BCAS3: variants seen among roughly 807,000 people sequenced by gnomAD.
BCAS3 encodes BCAS4/BCAS3 fusion.
Under a neutral mutation model 116.1 loss-of-function variants are expected in BCAS3, and 53 were observed. That is an observed-to-expected ratio of 0.46 (90% confidence interval 0.37 to 0.57). The LOEUF (loss-of-function observed/expected upper bound fraction) is 0.57, where lower values mean the gene tolerates loss of function less well. Ranked by LOEUF, BCAS3 falls within the 20% of genes least tolerant of loss-of-function variation. BCAS3 has a pLI of 0.00. For missense variants in BCAS3, 917 were observed against 1,165.4 expected (o/e 0.79, Z 3.10); for synonymous variants, 391 against 408.2 (o/e 0.96, Z 0.51).
chr17:61,115,952 G>A (rs1601365718), intron 22 of BCAS3, among the ~76,000 whole-genome samples: 1 of 151,562 alleles, frequency 6.6e-6, no homozygotes, highest in East Asian at 1.9e-4. Context: ...GGACATGGAT[G>A]AAATTGGAAA....
At chr17:61,125,483 A>G (rs930840986) in intron 22 of BCAS3, among the ~76,000 whole-genome samples, 1 of 152,188 alleles carries the variant, frequency 6.6e-6, no homozygotes, top group Non-Finnish European at 1.5e-5. Context: ...AAGTTCCTAG[A>G]AATAAGCTAT....
chr17:61,373,648 A>T (rs139151995), intron 23 of BCAS3, among the ~76,000 whole-genome samples: 10 of 137,238 alleles, frequency 7.3e-5, no homozygotes, highest in Non-Finnish European at 1.4e-4. Flanking sequence ...AGGTTTCACC[A>T]TGTTGGCCAG....
chr17:61,350,787 C>CA lies in BCAS3; in HGVS notation c.2426-17539dup. Among the ~76,000 whole-genome samples the CA allele has an allele frequency of 2.6e-5, 4 of 152,200 alleles. 1 individual carries two copies. The highest frequency in any genetic ancestry group is 2.6e-4 in the Admixed American group (4 of 15,298). ...AGCTGGGACTACAAGCATGTGCCAC[C>CA]ACACCTGGCTACTTTTTTCTATTTT... On this transcript the variant is annotated intron_variant, in intron 22 of 23. Coordinates refer to ENST00000407086, the MANE Select transcript of BCAS3 (RefSeq NM_017679.5).
intron 14 of BCAS3, among the ~76,000 whole-genome samples, chr17:60,949,165 G>A (rs762984675): frequency 1.8e-4 from 27 of 152,238 alleles, no homozygotes; most frequent in Non-Finnish European, 3.5e-4. Context: ...GTGAGCCACC[G>A]CGCCCAGCCT....
rs1159846195 is a variant in BCAS3, at chr17:61,378,727, G to A, written c.2593+10233G>A. On this transcript the variant is annotated intron_variant, in intron 23 of 23. Transcript: ENST00000407086. This position sits in a 1 kb window ranked among gnomAD's most constrained non-coding sequence, Gnocchi z 5.8. ...TGTGGCCCCTGAGAGGTAAATGAAA[G>A]CCAGTCAAAGCAATGGGAATAGTTA... 6.6e-6 allele frequency: 1 copy of A among 152,206 alleles called. No homozygotes were observed. Among genetic ancestry groups the A allele is most frequent in the Non-Finnish European group, 1.5e-5 (1 of 68,050 alleles). The allele number at this position is 152,206 out of a possible 1,614,324, so 9.4% of individuals were successfully genotyped here. A position where few individuals can be genotyped will look rare whatever the true frequency, so the allele number is the denominator to read the frequency against.
intron 22 of BCAS3, among the ~76,000 whole-genome samples, chr17:61,342,577 C>T (rs1253548830): frequency 2.0e-5 from 3 of 152,216 alleles, no homozygotes; most frequent in Non-Finnish European, 4.4e-5. Context: ...GATGCTTACA[C>T]AGGTAGAGAG....
rs759458054 is a variant in BCAS3 at position 61,388,663 on chromosome 17, G to A, written c.2594-3314G>A. 66 of 1,547,468 alleles carry A rather than the reference G, an allele frequency of 4.3e-5. No individual in the cohort carries two copies. The Middle Eastern group carries it at 5.0e-4, about 12-fold the overall frequency. On this transcript the variant is annotated intron_variant, in intron 23 of 23. Transcript: ENST00000407086. The surrounding 1 kb of genome is among the most constrained non-coding windows in gnomAD (Gnocchi z 6.5). ...AAACAATGCCAACAGCCCAGCGTCC[G>A]TGAGCAACCCAACAGTAACAAAGCA...
At chr17:61,030,217 G>A (rs2066532377) in intron 16 of BCAS3, among the ~76,000 whole-genome samples, 2 of 152,006 alleles carry the variant, frequency 1.3e-5, no homozygotes, top group African/African-American at 4.8e-5. Context: ...AAGAAACGGT[G>A]CTTCTGTCTC....
At chr17:61,059,400 G>T (rs2069751055) in intron 19 of BCAS3, among the ~76,000 whole-genome samples, 1 of 151,814 alleles carries the variant, frequency 6.6e-6, no homozygotes, top group Non-Finnish European at 1.5e-5. Context: ...TCTTTAAAAT[G>T]GGTATTAATA....
intron 5 of BCAS3, among the ~76,000 whole-genome samples, chr17:60,722,990 A>C (rs147770512): frequency 6.6e-6 from 1 of 151,262 alleles, no homozygotes; most frequent in Non-Finnish European, 1.5e-5. Flanking sequence ...GTGGTGAGCT[A>C]TGATCACGTT....
rs1262474376 is a variant in BCAS3 at position 61,115,092 on chromosome 17, A to G, written c.2425+30528A>G. 4.0e-5 allele frequency among the ~76,000 whole-genome samples: 6 copies of G among 150,364 alleles called. No homozygotes were observed. The South Asian group carries it at 6.4e-4, about 16-fold the overall frequency. ...TACACCTTATACAAAAATCAATTCA[A>G]GATGGATTAAAGACTTAAACGTTAG... On this transcript the variant is annotated intron_variant, in intron 22 of 23. Coordinates refer to ENST00000407086, the MANE Select transcript of BCAS3 (RefSeq NM_017679.5).
At chr17:60,802,538 G>A (rs371307722) in intron 6 of BCAS3, among the ~76,000 whole-genome samples, 8 of 151,924 alleles carry the variant, frequency 5.3e-5, no homozygotes, top group African/African-American at 1.9e-4. Context: ...TGTTCTTCCT[G>A]TGTAGTATTA....
Position 61,356,190 on chromosome 17 carries a change from C to T in BCAS3, c.2426-12137C>T, listed in dbSNP as rs2058128496. 6.6e-6 allele frequency among the ~76,000 whole-genome samples: 1 copy of T among 152,106 alleles called. No individual in the cohort carries two copies. The highest frequency in any genetic ancestry group is 1.5e-5 in the Non-Finnish European group (1 of 68,004). Reference sequence around the variant, plus strand: ...TTGTATTTTTGTAGAGACGGGGTTTCACCGTGTTGGCCAGGCTGGTCTCGA... The same window carrying T: ...TTGTATTTTTGTAGAGACGGGGTTTTACCGTGTTGGCCAGGCTGGTCTCGA... On this transcript the variant is annotated intron_variant, in intron 22 of 23. Coordinates refer to ENST00000407086, the MANE Select transcript of BCAS3 (RefSeq NM_017679.5). This position sits in a 1 kb window ranked among gnomAD's most constrained non-coding sequence, Gnocchi z 5.4.
chr17:61,241,135 A>G lies in BCAS3; in HGVS notation c.2426-127192A>G, dbSNP rs958915421. Among the ~76,000 whole-genome samples the G allele has an allele frequency of 3.3e-5, 5 of 152,200 alleles. No individual in the cohort carries two copies. Among genetic ancestry groups the G allele is most frequent in the Non-Finnish European group, 7.3e-5 (5 of 68,044 alleles). On this transcript the variant is annotated intron_variant, in intron 22 of 23. Coordinates refer to ENST00000407086, the MANE Select transcript of BCAS3 (RefSeq NM_017679.5). The surrounding 1 kb of genome is among the most constrained non-coding windows in gnomAD (Gnocchi z 4.6). ...TAAGCTTTCTTTGGGGGACCCTCAT[A>G]TAGTGGGCACACTGAATATGTGGAT...
intron 21 of BCAS3, among the ~76,000 whole-genome samples, chr17:61,079,958 C>G (rs914964672): frequency 5.9e-5 from 8 of 135,158 alleles, no homozygotes; most frequent in African/African-American, 2.3e-4. Context: ...GTGGTGCGAT[C>G]TCAGTTCACT....
chr17:60,984,728 A>T (rs1385183121), intron 14 of BCAS3, among the ~76,000 whole-genome samples: 4 of 151,984 alleles, frequency 2.6e-5, no homozygotes, highest in Non-Finnish European at 5.9e-5. Flanking sequence ...GTTTTGTTTT[A>T]TCCAGGCACA....
chr17:61,030,460 C>T (rs1013545291), intron 16 of BCAS3, among the ~76,000 whole-genome samples: 1 of 151,984 alleles, frequency 6.6e-6, no homozygotes. Context: ...GGCTGGATTA[C>T]ATAATAAAGG....
chr17:60,943,948 T>C (rs1229125193), intron 13 of BCAS3, among the ~76,000 whole-genome samples: 1 of 151,982 alleles, frequency 6.6e-6, no homozygotes, highest in Non-Finnish European at 1.5e-5. Context: ...TAAATGAAAT[T>C]GCAGCATATC....
At chr17:60,683,761 G>A (rs1006655559) in intron 2 of BCAS3, among the ~76,000 whole-genome samples, 1 of 151,480 alleles carries the variant, frequency 6.6e-6, no homozygotes, top group African/African-American at 2.4e-5. Context: ...AAGCCCCGGA[G>A]GTCGAGGGAG....
Sources: allele counts gnomAD v4.1 joint callset (sites outside exome capture counted in the v4.1 genomes callset), GRCh38; gene constraint gnomAD v4.1.1; non-coding constraint Gnocchi (gnomAD v3.1); transcripts MANE v1.5; gene names NCBI Gene and HGNC (gene_info 2026-07-23, HGNC 2026-07-21).